The following TBX15 variants were observed in gnomAD, a reference collection of about 807,000 sequenced individuals.
TBX15 encodes T-box transcription factor 15, also known as T-box transcription factor TBX15.
A neutral mutation model predicts 53.9 loss-of-function variants in TBX15; 18 were observed. That is an observed-to-expected ratio of 0.33 (90% CI 0.23 to 0.49). The LOEUF is 0.49. TBX15 is among the 20% of genes least tolerant of loss of function. TBX15 has a pLI of 0.98. For missense variants in TBX15, 692 were observed against 749.5 expected, an observed-to-expected ratio of 0.92 and a Z score of 0.90; for synonymous variants, 295 against 278.0, an observed-to-expected ratio of 1.06 and a Z score of -0.61.
intron 1 of TBX15, among the ~76,000 whole-genome samples, chr1:118,973,011 A>C (rs1345105996): frequency 6.6e-6 from 1 of 152,242 alleles, no homozygotes; most frequent in African/African-American, 2.4e-5. Flanking sequence ...CTAATTTTGC[A>C]CCAAATATGA....
chr1:118,985,458 G>A (rs1039659975), intron 1 of TBX15, among the ~76,000 whole-genome samples: 3 of 152,176 alleles, frequency 2.0e-5, no homozygotes, highest in Non-Finnish European at 4.4e-5. Flanking sequence ...CTGGACCGCC[G>A]CGTCTCCACG....
intron 1 of TBX15, among the ~76,000 whole-genome samples, chr1:118,979,788 G>C (rs981936661): frequency 1.3e-5 from 2 of 152,276 alleles, no homozygotes; most frequent in Admixed American, 1.3e-4. Flanking sequence ...CAGGGTCCCG[G>C]GTTTCCAAGG....
At chr1:118,955,630 G>C (rs886744935) in intron 1 of TBX15, among the ~76,000 whole-genome samples, 1 of 152,186 alleles carries the variant, frequency 6.6e-6, no homozygotes, top group East Asian at 1.9e-4. Flanking sequence ...AACTCTCAGA[G>C]TCATTTTACA....
chr1:118,956,407 T>C (rs942220683), intron 1 of TBX15, among the ~76,000 whole-genome samples: 1 of 152,156 alleles, frequency 6.6e-6, no homozygotes, highest in Non-Finnish European at 1.5e-5. Flanking sequence ...TAGGTATTTA[T>C]ATATAAATGT....
At chr1:118,949,839 CCCA>C (rs1244708515) in intron 1 of TBX15, among the ~76,000 whole-genome samples, 1 of 152,078 alleles carries the variant, frequency 6.6e-6, no homozygotes, top group Admixed American at 6.6e-5. Context: ...GAACCCATGA[CCCA>C]CTATTCAGGT....
rs767301990 is a variant in TBX15 at position 118,885,035 on chromosome 1, C to T, written c.1506G>A (p.Gln502=). ...GGGAGAAGGCATTGTAGGAGCTCTGCTGCATGTGGCTGCCCCCGAACATGT... is the reference window on the plus strand; with the variant it reads ...GGGAGAAGGCATTGTAGGAGCTCTGTTGCATGTGGCTGCCCCCGAACATGT... ...SPHMFGGSHM[Q]QSSYNAFSLH... is the part of the protein sequence containing the mutation. The change falls in exon 8 of 8, where the codon CAG becomes CAA. Residue 502 remains glutamine (Q), a synonymous_variant. Transcript: ENST00000369429. The T allele has an allele frequency of 7.4e-6, 12 of 1,614,012 alleles. No individual in the cohort carries two copies. The Admixed American group carries it at 1.0e-4, about 13-fold the overall frequency.
intron 1 of TBX15, among the ~76,000 whole-genome samples, chr1:118,963,605 G>A (rs959023900): frequency 2.6e-5 from 4 of 152,208 alleles, no homozygotes; most frequent in Admixed American, 6.5e-5. Flanking sequence ...CATGTGTTGA[G>A]ATGGTGGAAC....
At chr1:118,907,737 G>A (rs965561868) in intron 6 of TBX15, among the ~76,000 whole-genome samples, 4 of 152,090 alleles carry the variant, frequency 2.6e-5, no homozygotes, top group South Asian at 4.1e-4. Flanking sequence ...CTTCTCCTTG[G>A]TGCAGGTTCC....
chr1:118,888,888 G>A (rs1434054724), intron 7 of TBX15, among the ~76,000 whole-genome samples: 1 of 151,676 alleles, frequency 6.6e-6, no homozygotes, highest in Non-Finnish European at 1.5e-5. Flanking sequence ...CTGATTTAAG[G>A]CCTCAACTGG....
intron 6 of TBX15, among the ~76,000 whole-genome samples, chr1:118,907,526 T>C (rs1654880411): frequency 6.6e-6 from 1 of 152,218 alleles, no homozygotes; most frequent in South Asian, 2.1e-4. Context: ...ACATCAGATG[T>C]GGGATGAAAG....
chr1:118,904,625 A>G (rs1173631040), intron 6 of TBX15, among the ~76,000 whole-genome samples: 1 of 152,242 alleles, frequency 6.6e-6, no homozygotes, highest in Non-Finnish European at 1.5e-5. Context: ...TCCCAACTTA[A>G]GAACCCTGTC....
At chr1:118,908,241 A>C (rs974778528) in intron 6 of TBX15, among the ~76,000 whole-genome samples, 1 of 152,122 alleles carries the variant, frequency 6.6e-6, no homozygotes, top group South Asian at 2.1e-4. Flanking sequence ...TAAATGAAAA[A>C]TTATTGTTTT....
At chr1:118,937,273 A>C (rs1267068246) in intron 1 of TBX15, among the ~76,000 whole-genome samples, 1 of 152,166 alleles carries the variant, frequency 6.6e-6, no homozygotes, top group Non-Finnish European at 1.5e-5. Context: ...AAGTAAGATA[A>C]ATGATGAAGG....
chr1:118,918,885 C>T (rs186407867), intron 5 of TBX15, among the ~76,000 whole-genome samples: 5 of 152,266 alleles, frequency 3.3e-5, no homozygotes, highest in Non-Finnish European at 7.4e-5. Context: ...GGGGCCTTCT[C>T]TTATTAACAC....
chr1:118,889,191 CA>C lies in TBX15; in HGVS notation c.1025-3676del, dbSNP rs1654050592. On this transcript the variant is annotated intron_variant, in intron 7 of 7. Coordinates refer to ENST00000369429, the MANE Select transcript of TBX15 (RefSeq NM_001330677.2). ...TCTTGTGAACATAAAGTACTCAATA[CA>C]GATAACAGCAATTTTTCAAAGTTCC... 2.6e-5 allele frequency among the ~76,000 whole-genome samples: 4 copies of C among 152,306 alleles called. No individual in the cohort carries two copies. In the South Asian group the frequency reaches 8.3e-4, roughly 32 times the overall value.
chr1:118,927,076 C>T (rs1287318761), intron 2 of TBX15, among the ~76,000 whole-genome samples: 1 of 152,168 alleles, frequency 6.6e-6, no homozygotes, highest in Non-Finnish European at 1.5e-5. Flanking sequence ...CTAATGTCCT[C>T]TAATTCTCAA....
At chr1:118,896,522 TGTGAC>T (rs1336919871) in intron 7 of TBX15, among the ~76,000 whole-genome samples, 13 of 152,184 alleles carry the variant, frequency 8.5e-5, no homozygotes, top group Non-Finnish European at 1.9e-4. Context: ...AGGACTGCTA[TGTGAC>T]ATGACAGATA....
intron 6 of TBX15, among the ~76,000 whole-genome samples, chr1:118,902,937 T>C (rs902295016): frequency 3.9e-5 from 6 of 152,090 alleles, no homozygotes; most frequent in African/African-American, 1.4e-4. Flanking sequence ...GTCTAACGGG[T>C]GAAAAAAGCA....
At chr1:118,901,661 T>C (rs894663600) in intron 6 of TBX15, among the ~76,000 whole-genome samples, 2 of 152,218 alleles carry the variant, frequency 1.3e-5, no homozygotes, top group Non-Finnish European at 2.9e-5. Flanking sequence ...TTGGATGTCA[T>C]CTACTATAAC....
Sources: gnomAD v4.1 joint callset for allele counts (sites outside exome capture counted in the v4.1 genomes callset) on GRCh38, gnomAD v4.1.1 for gene constraint, MANE v1.5 for transcripts, NCBI Gene and HGNC (gene_info 2026-07-23, HGNC 2026-07-21) for gene names.